FSTL4: variants seen among roughly 807,000 people sequenced by gnomAD.
FSTL4 encodes the protein follistatin like 4.
In FSTL4, 28 loss-of-function variants were observed where a neutral mutation model predicts 78.2. The ratio of observed to expected loss-of-function variants is 0.36; its 90% CI spans 0.27 to 0.49. The LOEUF is 0.49. Ranked by LOEUF, FSTL4 falls within the 20% of genes least tolerant of loss-of-function variation. The pLI is 0.98. For missense variants in FSTL4, 922 were observed against 1,084.9 expected (o/e 0.85, Z 2.11); for synonymous variants, 422 against 440.5 (o/e 0.96, Z 0.53).
chr5:133,374,298 A>G (rs997893927), intron 4 of FSTL4, among the ~76,000 whole-genome samples: 1 of 152,306 alleles, frequency 6.6e-6, no homozygotes. Context: ...CTTTCTGGAC[A>G]AGGGTCCATT....
the FSTL4 span, among the ~76,000 whole-genome samples, chr5:133,705,284 C>A: frequency 1.3e-5 from 2 of 152,202 alleles, no homozygotes; most frequent in Admixed American, 1.3e-4. Flanking sequence ...TGGTCTTGAA[C>A]TCCTGACCTG....
At chr5:133,530,434 G>T (rs1759227575) in intron 3 of FSTL4, among the ~76,000 whole-genome samples, 2 of 152,182 alleles carry the variant, frequency 1.3e-5, no homozygotes, top group African/African-American at 4.8e-5. Context: ...GCAGTTCTCA[G>T]GGCCCACGTG....
At chr5:133,408,566 C>T (rs993800992) in intron 3 of FSTL4, among the ~76,000 whole-genome samples, 2 of 16,012 alleles carry the variant, frequency 1.2e-4, no homozygotes, top group African/African-American at 8.5e-4. Flanking sequence ...TTCACTGAGG[C>T]GGGGGTGGAG....
intron 3 of FSTL4, among the ~76,000 whole-genome samples, chr5:133,525,739 C>T (rs978996077): frequency 1.3e-5 from 2 of 152,182 alleles, no homozygotes; most frequent in African/African-American, 4.8e-5. Context: ...TGCACAAGCC[C>T]TTGTCATGCA....
chr5:133,511,799 AAG>A (rs768572462), intron 3 of FSTL4, among the ~76,000 whole-genome samples: 36 of 152,216 alleles, frequency 2.4e-4, no homozygotes, highest in Non-Finnish European at 4.7e-4. Context: ...AGGCAGAGGA[AAG>A]AGACAGGGCA....
the FSTL4 span, among the ~76,000 whole-genome samples, chr5:133,796,397 C>T: frequency 1.3e-5 from 2 of 152,202 alleles, no homozygotes; most frequent in African/African-American, 2.4e-5. Context: ...AGTGTGACAG[C>T]TTCCTGTATC....
At chr5:133,433,695 T>C (rs1237308080) in intron 3 of FSTL4, among the ~76,000 whole-genome samples, 1 of 152,172 alleles carries the variant, frequency 6.6e-6, no homozygotes, top group Non-Finnish European at 1.5e-5. Flanking sequence ...ATAGGTAAAG[T>C]CAGGGTGGCA....
At chr5:133,272,669 C>T (rs1232203934) in intron 6 of FSTL4, among the ~76,000 whole-genome samples, 1 of 152,162 alleles carries the variant, frequency 6.6e-6, no homozygotes, top group Non-Finnish European at 1.5e-5. Context: ...TAAGTGGATA[C>T]CCCAGATATG....
At chr5:133,203,971 A>AAGAT (rs3087069) in intron 14 of FSTL4, among the ~76,000 whole-genome samples, 4 of 151,646 alleles carry the variant, frequency 2.6e-5, no homozygotes, top group African/African-American at 7.3e-5. Flanking sequence ...CAGTGCCCTA[A>AAGAT]AGATAGATAA....
chr5:133,580,302 C>A (rs933970737), intron 2 of FSTL4, among the ~76,000 whole-genome samples: 3 of 152,168 alleles, frequency 2.0e-5, no homozygotes, highest in Non-Finnish European at 4.4e-5. Flanking sequence ...CCCCAAGACC[C>A]TCAGCCCCAT....
At chr5:133,805,785 G>A in the FSTL4 span, among the ~76,000 whole-genome samples, 1 of 152,184 alleles carries the variant, frequency 6.6e-6, no homozygotes, top group Non-Finnish European at 1.5e-5. Flanking sequence ...TTTTGAGTTT[G>A]AACTGTTTGG....
chr5:133,751,020 C>G, the FSTL4 span, among the ~76,000 whole-genome samples: 1,982 of 152,218 alleles, frequency 0.013, 45 homozygotes, highest in African/African-American at 0.044. Context: ...CCTGTCCCCC[C>G]AGCTTGACTC....
intron 3 of FSTL4, among the ~76,000 whole-genome samples, chr5:133,419,405 ACCACACCCAG>A (rs536616686): frequency 2.8e-4 from 43 of 152,366 alleles, no homozygotes; most frequent in African/African-American, 6.5e-4. Context: ...GGCGTGAGCC[ACCACACCCAG>A]CCAGTTCATT....
intron 4 of FSTL4, among the ~76,000 whole-genome samples, chr5:133,382,576 A>G (rs1210500315): frequency 6.6e-6 from 1 of 152,090 alleles, no homozygotes; most frequent in Non-Finnish European, 1.5e-5. Context: ...GATTTCTCCA[A>G]TAAAAGACAA....
the FSTL4 span, among the ~76,000 whole-genome samples, chr5:133,827,478 G>A: frequency 2.0e-5 from 3 of 152,258 alleles, no homozygotes; most frequent in South Asian, 6.2e-4. Context: ...GGGACCACAA[G>A]TTTCTGACGA....
chr5:133,670,164 T>C, the FSTL4 span, among the ~76,000 whole-genome samples: 15,677 of 152,270 alleles, frequency 0.1, 998 homozygotes, highest in South Asian at 0.15. Flanking sequence ...AAATTGTGGA[T>C]GTGCCTTTCT....
the FSTL4 span, among the ~76,000 whole-genome samples, chr5:133,752,969 T>C: frequency 2.0e-5 from 3 of 152,232 alleles, no homozygotes. Flanking sequence ...AAACAAGACC[T>C]CTTTGTGATT....
At chr5:133,414,782 G>A (rs1336010885) in intron 3 of FSTL4, among the ~76,000 whole-genome samples, 1 of 152,364 alleles carries the variant, frequency 6.6e-6, no homozygotes, top group Non-Finnish European at 1.5e-5. Flanking sequence ...CTTTGGAGAA[G>A]AGACAAGAAC....
At chr5:133,362,954 G>T (rs1755102890) in intron 4 of FSTL4, among the ~76,000 whole-genome samples, 1 of 151,142 alleles carries the variant, frequency 6.6e-6, no homozygotes, top group African/African-American at 2.4e-5. Context: ...TTTAATATCT[G>T]AGATTTAAAT....
Sources: gnomAD v4.1 joint callset for allele counts (sites outside exome capture counted in the v4.1 genomes callset) on GRCh38, gnomAD v4.1.1 for gene constraint, MANE v1.5 for transcripts, NCBI Gene and HGNC (gene_info 2026-07-23, HGNC 2026-07-21) for gene names.